CCDC73: variants seen among roughly 807,000 people sequenced by gnomAD.
The protein encoded by CCDC73 is coiled-coil domain-containing protein 73.
A neutral mutation model predicts 116.5 loss-of-function variants in CCDC73; 95 were observed. The ratio of observed to expected loss-of-function variants is 0.82; its 90% confidence interval spans 0.69 to 0.97. The LOEUF (loss-of-function observed/expected upper bound fraction) is 0.97, where lower values mean the gene tolerates loss of function less well. CCDC73 is among the 50% of genes least tolerant of loss of function. The probability of loss-of-function intolerance (pLI) is 0.00; values close to 1 mark genes in which losing one functional copy is unlikely to be tolerated. For synonymous variants in CCDC73, 398 were observed against 401.3 expected, an observed-to-expected ratio of 0.99 and a Z score of 0.10; for missense variants, 1,066 against 1,206.8, an observed-to-expected ratio of 0.88 and a Z score of 1.73.
At chr11:32,630,430 A>AC (rs1489167867) in intron 14 of CCDC73, among the ~76,000 whole-genome samples, 2 of 151,906 alleles carry the variant, frequency 1.3e-5, no homozygotes. Flanking sequence ...TGCAACCTCC[A>AC]CCTCCTGGGT....
At chr11:32,677,856 A>G (rs1277587324) in intron 7 of CCDC73, among the ~76,000 whole-genome samples, 2 of 150,084 alleles carry the variant, frequency 1.3e-5, no homozygotes, top group Non-Finnish European at 3.0e-5. Flanking sequence ...GGAGGCTGAG[A>G]CAGGAGAATC....
At chr11:32,806,609 G>A in the CCDC73 span, among the ~76,000 whole-genome samples, 2 of 148,046 alleles carry the variant, frequency 1.4e-5, no homozygotes, top group South Asian at 4.3e-4. Flanking sequence ...GGCAGCCTGG[G>A]TGACAGAGCA....
intron 11 of CCDC73, among the ~76,000 whole-genome samples, chr11:32,653,736 T>C (rs867018220): frequency 1.6e-4 from 25 of 152,312 alleles, no homozygotes; most frequent in Non-Finnish European, 2.5e-4. Flanking sequence ...AAGTATGCAC[T>C]ACACATAAAT....
intron 17 of CCDC73, among the ~76,000 whole-genome samples, chr11:32,610,113 G>A (rs58715646): frequency 0.024 from 3,686 of 152,060 alleles, 138 homozygotes; most frequent in African/African-American, 0.084. Context: ...CTTACATGGC[G>A]GCAGCAAGAG....
At chr11:32,711,190 T>C (rs1849897307) in intron 3 of CCDC73, among the ~76,000 whole-genome samples, 1 of 152,158 alleles carries the variant, frequency 6.6e-6, no homozygotes, top group Non-Finnish European at 1.5e-5. Context: ...ACACTGCTTG[T>C]AGGAATGTAA....
chr11:32,687,699 C>T (rs1370091125), intron 6 of CCDC73, among the ~76,000 whole-genome samples: 1 of 152,032 alleles, frequency 6.6e-6, no homozygotes, highest in African/African-American at 2.4e-5. Flanking sequence ...TTTCCTAGCT[C>T]TGTCGACTGA....
chr11:32,607,417 T>C (rs965012469), intron 17 of CCDC73, among the ~76,000 whole-genome samples: 4 of 152,158 alleles, frequency 2.6e-5, no homozygotes, highest in African/African-American at 9.7e-5. Flanking sequence ...AAAAGCAACA[T>C]TAGTTGCAGA....
intron 2 of CCDC73, among the ~76,000 whole-genome samples, chr11:32,741,822 C>T (rs565540172): frequency 2.3e-4 from 35 of 152,124 alleles, no homozygotes; most frequent in South Asian, 4.2e-4. Context: ...CACCCACCCC[C>T]CACAGGCCCC....
At chr11:32,830,499 T>C in the CCDC73 span, 1 of 1,485,656 alleles carries the variant, frequency 6.7e-7, no homozygotes, top group South Asian at 1.4e-5. Context: ...TTTTTTTTGT[T>C]TGTTTTAGTT....
chr11:32,670,435 T>C (rs769332933), intron 9 of CCDC73, among the ~76,000 whole-genome samples: 13 of 150,952 alleles, frequency 8.6e-5, no homozygotes, highest in Non-Finnish European at 1.8e-4. Context: ...GGCAGGAGAA[T>C]GGCGTGAACC....
chr11:32,704,250 G>C (rs139421014), intron 3 of CCDC73, among the ~76,000 whole-genome samples: 25 of 152,332 alleles, frequency 1.6e-4, no homozygotes, highest in Middle Eastern at 3.4e-3. Context: ...GCAGGTAGGG[G>C]AAGCCCCCTT....
At position 32,692,923 on chromosome 11, in the gene CCDC73, G is replaced by A. The variant is rs1461276839; in HGVS notation, c.390+6328C>T. Reference sequence around the variant, plus strand: ...CCCTCTAAGCATACTGTTTTCATAAGTAAAGTTTTATTTGTCAGGTAATTT... The same window carrying A: ...CCCTCTAAGCATACTGTTTTCATAAATAAAGTTTTATTTGTCAGGTAATTT... On this transcript the variant is annotated intron_variant, in intron 6 of 17. Coordinates refer to ENST00000335185, the MANE Select transcript of CCDC73 (RefSeq NM_001008391.4). Among the ~76,000 whole-genome samples the A allele has an allele frequency of 1.3e-5, 2 of 152,198 alleles. 1 individual carries two copies. Among genetic ancestry groups the A allele is most frequent in the Non-Finnish European group, 2.9e-5 (2 of 68,030 alleles).
intron 1 of CCDC73, among the ~76,000 whole-genome samples, chr11:32,768,943 A>G (rs937887819): frequency 2.6e-5 from 4 of 152,208 alleles, no homozygotes; most frequent in African/African-American, 9.6e-5. Context: ...GGATATCCAA[A>G]TGGCCAATAC....
In CCDC73 at chr11:32,688,320, T is replaced by C. The variant is rs150060517; in HGVS notation, c.391-4746A>G. On this transcript the variant is annotated intron_variant, in intron 6 of 17. Coordinates refer to ENST00000335185, the MANE Select transcript of CCDC73 (RefSeq NM_001008391.4). ...AACTGAATCTAACCATGAGGAAACA[T>C]TGTACAAACAGAAACTGAGGAACGT... Among the ~76,000 whole-genome samples, 12 of 152,302 alleles carry C rather than the reference T, an allele frequency of 7.9e-5. No individual in the cohort carries two copies. The East Asian group carries it at 9.6e-4, about 12-fold the overall frequency.
chr11:32,610,313 C>A (rs1231374944), intron 17 of CCDC73, among the ~76,000 whole-genome samples: 1 of 152,092 alleles, frequency 6.6e-6, no homozygotes, highest in Non-Finnish European at 1.5e-5. Flanking sequence ...GGGGACAAAG[C>A]CAAACCATAT....
intron 6 of CCDC73, among the ~76,000 whole-genome samples, chr11:32,694,673 A>G (rs552263020): frequency 4.6e-5 from 7 of 152,354 alleles, no homozygotes; most frequent in Admixed American, 4.6e-4. Flanking sequence ...ACAATTTAAG[A>G]AGGAATGTTA....
intron 1 of CCDC73, among the ~76,000 whole-genome samples, chr11:32,780,058 G>C (rs1850569482): frequency 6.6e-6 from 1 of 152,128 alleles, no homozygotes; most frequent in Non-Finnish European, 1.5e-5. Flanking sequence ...CAGATCACTT[G>C]AGGCCAGGAG....
At chr11:32,802,509 G>A in the CCDC73 span, among the ~76,000 whole-genome samples, 2 of 152,166 alleles carry the variant, frequency 1.3e-5, no homozygotes, top group African/African-American at 4.8e-5. Flanking sequence ...CAAGGAAAAA[G>A]CTGTATACCA....
At chr11:32,627,806 A>G (rs181509490) in intron 14 of CCDC73, among the ~76,000 whole-genome samples, 5 of 152,026 alleles carry the variant, frequency 3.3e-5, no homozygotes, top group Non-Finnish European at 7.4e-5. Flanking sequence ...ATCATCACAC[A>G]CCGGGGCCTG....
Sources: allele counts gnomAD v4.1 joint callset (sites outside exome capture counted in the v4.1 genomes callset), GRCh38; gene constraint gnomAD v4.1.1; transcripts MANE v1.5; gene names NCBI Gene and HGNC (gene_info 2026-07-23, HGNC 2026-07-21).